The following SPHKAP variants were observed in gnomAD, a reference collection of about 807,000 sequenced individuals.
SPHKAP encodes A-kinase anchor protein SPHKAP.
SPHKAP carries 67 observed loss-of-function variants against 137.5 expected under a neutral mutation model. The observed-to-expected ratio is 0.49, with a 90% confidence interval of 0.40 to 0.60. The LOEUF (loss-of-function observed/expected upper bound fraction) is 0.60, where lower values mean the gene tolerates loss of function less well. Among genes scored for constraint, SPHKAP ranks in the 20% least tolerant of loss-of-function variants. SPHKAP has a pLI of 0.00. For missense variants in SPHKAP, 2,097 were observed against 2,069.3 expected, an observed-to-expected ratio of 1.01 and a Z score of -0.26; for synonymous variants, 813 against 785.3, an observed-to-expected ratio of 1.04 and a Z score of -0.59.
At chr2:228,102,896 C>A (rs1698222459) in intron 3 of SPHKAP, among the ~76,000 whole-genome samples, 1 of 152,104 alleles carries the variant, frequency 6.6e-6, no homozygotes, top group Non-Finnish European at 1.5e-5. Context: ...TGCTTGCCAC[C>A]ACATCCAACT....
chr2:228,162,524 G>T (rs1193252678), intron 1 of SPHKAP, among the ~76,000 whole-genome samples: 2 of 152,068 alleles, frequency 1.3e-5, no homozygotes, highest in Non-Finnish European at 2.9e-5. Flanking sequence ...TTCAAAAGTT[G>T]TCAACATGCA....
intron 3 of SPHKAP, among the ~76,000 whole-genome samples, chr2:228,091,291 T>C (rs769115007): frequency 1.3e-5 from 2 of 152,168 alleles, no homozygotes; most frequent in Non-Finnish European, 2.9e-5. Flanking sequence ...GACTTAAAAC[T>C]AAGACCTCAA....
chr2:228,102,742 TTTG>T (rs1357826338), intron 3 of SPHKAP, among the ~76,000 whole-genome samples: 1 of 151,540 alleles, frequency 6.6e-6, no homozygotes, highest in Non-Finnish European at 1.5e-5. Context: ...CTCAATTTTT[TTTG>T]TTGTTTGTTT....
chr2:228,118,599 G>A (rs1698797621), intron 2 of SPHKAP, among the ~76,000 whole-genome samples: 1 of 151,774 alleles, frequency 6.6e-6, no homozygotes, highest in South Asian at 2.1e-4. Context: ...TTTGCGGTTT[G>A]TTTTACTTTC....
intron 7 of SPHKAP, among the ~76,000 whole-genome samples, chr2:228,001,724 C>A (rs1052249802): frequency 6.6e-6 from 1 of 151,810 alleles, no homozygotes; most frequent in African/African-American, 2.4e-5. Context: ...CCCCGCTCCC[C>A]GCAGCCCACA....
Position 228,181,107 on chromosome 2 carries a change from C to T in SPHKAP, c.32+460G>A, listed in dbSNP as rs1211309017. Among the ~76,000 whole-genome samples the T allele has an allele frequency of 6.6e-6, 1 of 152,026 alleles. No homozygotes were observed. Among genetic ancestry groups the T allele is most frequent in the East Asian group, 1.9e-4 (1 of 5,148 alleles). The stretch of plus-strand genomic sequence containing the variant: ...CGGGGGTGAGGGACAATCTTCCCCA[C>T]CCCAGCAGCCCCAGACACCCGCCCA... On this transcript the variant is annotated intron_variant, in intron 1 of 11. Coordinates refer to ENST00000392056, the MANE Select transcript of SPHKAP (RefSeq NM_001142644.2). This position sits in a 1 kb window ranked among gnomAD's most constrained non-coding sequence, Gnocchi z 4.3.
chr2:227,993,608 A>G lies in SPHKAP; in HGVS notation c.4647T>C (p.Ser1549=). The G allele has an allele frequency of 1.9e-6, 3 of 1,595,918 alleles. No individual in the cohort carries two copies. Among genetic ancestry groups the G allele is most frequent in the Non-Finnish European group, 2.6e-6 (3 of 1,170,812 alleles). The change falls in exon 9 of 12, where the codon AGT becomes AGC. Residue 1549 remains serine, a synonymous_variant. Transcript: ENST00000392056. ...LSERSMSNGN[S]SATSSLGIMD... is the part of the protein sequence containing the mutation. ...TAATGCCAAGACTGCTAGTGGCACT[A>G]CTGTTGCCATTGCTGACAAAGCAAA...
At chr2:228,057,379 T>C (rs1696483181) in intron 3 of SPHKAP, among the ~76,000 whole-genome samples, 1 of 152,222 alleles carries the variant, frequency 6.6e-6, no homozygotes, top group Non-Finnish European at 1.5e-5. Context: ...GTTCTGTGTT[T>C]CTACATGATT....
rs901910213 is a variant in SPHKAP, at chr2:227,982,004, ATTTTCT to A, written c.4960-150_4960-145del. On this transcript the variant is annotated intron_variant, in intron 11 of 11. Transcript: ENST00000392056. ...AGAGGACTGTTTTCCGGGATAATCT[ATTTTCT>A]TTTTAAGAATTTCAGATTATTACCG... 16 of 1,279,520 alleles carry A rather than the reference ATTTTCT, an allele frequency of 1.3e-5. No individual in the cohort carries two copies. The East Asian group carries it at 4.4e-4, about 35-fold the overall frequency. 79.3% of individuals were successfully genotyped at this position (1,279,520 alleles called of 1,614,324 possible).
In SPHKAP at chr2:227,979,971, T is replaced by G. The variant is rs931293713; in HGVS notation, c.*1746A>C. 4 of 152,626 alleles carry G rather than the reference T, an allele frequency of 2.6e-5. No homozygotes were observed. Among genetic ancestry groups the G allele is most frequent in the African/African-American group, 9.7e-5 (4 of 41,450 alleles). The allele number at this position is 152,626 out of a possible 1,614,324, so 9.5% of individuals were successfully genotyped here. ...AATCAACAATCTGACAACAGAGATTTATTGATTAATTTGCAATGTTAGGTA... is the reference window on the plus strand; with the variant it reads ...AATCAACAATCTGACAACAGAGATTGATTGATTAATTTGCAATGTTAGGTA... On this transcript the variant is annotated 3_prime_UTR_variant, in exon 12 of 12. Coordinates refer to ENST00000392056, the MANE Select transcript of SPHKAP (RefSeq NM_001142644.2).
intron 5 of SPHKAP, 47 bp downstream of exon 5, chr2:228,025,347 C>CT: frequency 6.2e-7 from 1 of 1,607,016 alleles, no homozygotes; most frequent in Non-Finnish European, 8.5e-7. Context: ...CTGTGCTGAG[C>CT]TAACTATAGA....
rs1195536945 is a variant in SPHKAP at position 228,017,178 on chromosome 2, G to A, written c.3676C>T (p.Pro1226Ser). Residue 1226 changes from proline to serine, a missense_variant, in exon 7 of 12, where the codon CCT (proline) becomes TCT (serine). Transcript: ENST00000392056. ...TGGCACACTGGGGATCGCAGAGAAG[G>A]AGACAGCAGGCCGGCTGTCCAATCC... ...SQDWTAGLLSPSLRSPVCHRQ... is the reference protein window; with the variant it reads ...SQDWTAGLLSSSLRSPVCHRQ... 4 of 1,613,862 alleles carry A rather than the reference G, an allele frequency of 2.5e-6. No homozygotes were observed. In the African/African-American group the frequency reaches 5.3e-5, roughly 22 times the overall value.
chr2:228,033,299 T>G (rs991869472), intron 3 of SPHKAP, among the ~76,000 whole-genome samples: 1 of 152,128 alleles, frequency 6.6e-6, no homozygotes, highest in African/African-American at 2.4e-5. Context: ...TACATAATGG[T>G]AAAGGGATCA....
At chr2:228,030,521 A>C (rs1312426189) in intron 3 of SPHKAP, among the ~76,000 whole-genome samples, 3 of 113,340 alleles carry the variant, frequency 2.6e-5, no homozygotes, top group Non-Finnish European at 5.2e-5. Context: ...CTCAAAAAAA[A>C]AAAAAAAAAA....
intron 5 of SPHKAP, 76 bp downstream of exon 5, chr2:228,025,318 G>C: frequency 6.9e-7 from 1 of 1,441,902 alleles, no homozygotes; most frequent in East Asian, 2.4e-5. Flanking sequence ...TGTAGCATCT[G>C]TTTGGGGTTT....
At chr2:228,161,369 A>G (rs73098643) in intron 1 of SPHKAP, among the ~76,000 whole-genome samples, 4,510 of 152,320 alleles carry the variant, frequency 0.03, 204 homozygotes, top group African/African-American at 0.1. Context: ...GAGTTGGCCC[A>G]ATCTAGAAAC....
intron 1 of SPHKAP, among the ~76,000 whole-genome samples, chr2:228,176,285 G>A (rs1162190791): frequency 6.6e-6 from 1 of 152,110 alleles, no homozygotes; most frequent in Non-Finnish European, 1.5e-5. Flanking sequence ...TGGATGGGTG[G>A]GTATTGCTTC....
At chr2:227,985,507 T>A (rs1168499306) in intron 11 of SPHKAP, among the ~76,000 whole-genome samples, 1 of 152,200 alleles carries the variant, frequency 6.6e-6, no homozygotes, top group African/African-American at 2.4e-5. Flanking sequence ...GCCTGGGTAT[T>A]TTCACAATCA....
chr2:228,159,367 T>A (rs1049926608), intron 1 of SPHKAP, among the ~76,000 whole-genome samples: 2 of 152,154 alleles, frequency 1.3e-5, no homozygotes, highest in Admixed American at 1.3e-4. Flanking sequence ...GTTTGTTAAC[T>A]GGCCTTATCT....
Sources: allele counts gnomAD v4.1 joint callset (sites outside exome capture counted in the v4.1 genomes callset), GRCh38; gene constraint gnomAD v4.1.1; non-coding constraint Gnocchi (gnomAD v3.1); transcripts MANE v1.5; gene names NCBI Gene and HGNC (gene_info 2026-07-23, HGNC 2026-07-21).